AKT3: variants seen among roughly 807,000 people sequenced by gnomAD.
AKT3 encodes AKT serine/threonine kinase 3.
A neutral mutation model predicts 65.3 loss-of-function variants in AKT3; 15 were observed. That is an observed-to-expected ratio of 0.23 (90% CI 0.15 to 0.35). The LOEUF is 0.35. Among genes scored for constraint, AKT3 ranks in the 10% least tolerant of loss-of-function variants. The pLI is 1.00. For synonymous variants in AKT3, 206 were observed against 183.8 expected (o/e 1.12, Z -0.98); for missense variants, 243 against 576.5 (o/e 0.42, Z 5.92).
intron 2 of AKT3, among the ~76,000 whole-genome samples, chr1:243,724,124 C>T (rs1475456031): frequency 1.3e-5 from 2 of 151,662 alleles, no homozygotes; most frequent in Non-Finnish European, 2.9e-5. Context: ...GCCACTGTAA[C>T]AATGCTGTGT....
intron 12 of AKT3, among the ~76,000 whole-genome samples, chr1:243,521,043 CTTTT>C (rs953155962): frequency 3.3e-5 from 5 of 152,194 alleles, no homozygotes; most frequent in African/African-American, 1.2e-4. Context: ...TTCCACAGAC[CTTTT>C]TTAGTAACAA....
chr1:243,744,478 G>A (rs534640311), intron 2 of AKT3, among the ~76,000 whole-genome samples: 20 of 152,222 alleles, frequency 1.3e-4, no homozygotes, highest in African/African-American at 3.6e-4. Context: ...GGTGGCTCAC[G>A]CCTGTAATCC....
chr1:243,756,729 A>G (rs1222550675), intron 2 of AKT3, among the ~76,000 whole-genome samples: 1 of 152,254 alleles, frequency 6.6e-6, no homozygotes, highest in Non-Finnish European at 1.5e-5. Flanking sequence ...TAATGAGTCA[A>G]AGAGAAACAT....
At chr1:243,548,604 G>A (rs1672833954) in intron 11 of AKT3, among the ~76,000 whole-genome samples, 1 of 152,108 alleles carries the variant, frequency 6.6e-6, no homozygotes, top group Non-Finnish European at 1.5e-5. Flanking sequence ...AACAAAATAT[G>A]CTTTGAAGTA....
intron 2 of AKT3, among the ~76,000 whole-genome samples, chr1:243,699,555 T>C (rs558985827): frequency 6.9e-6 from 1 of 145,502 alleles, no homozygotes; most frequent in Non-Finnish European, 1.5e-5. Flanking sequence ...ACTCTTTTGC[T>C]GGAAGCTATA....
chr1:243,730,659 T>G (rs919106211), intron 2 of AKT3, among the ~76,000 whole-genome samples: 4 of 151,480 alleles, frequency 2.6e-5, no homozygotes, highest in Non-Finnish European at 4.4e-5. Flanking sequence ...CCGGCTGGGG[T>G]GAGGTGGTGG....
chr1:243,595,251 AAGTAC>A (rs990293823), intron 8 of AKT3, among the ~76,000 whole-genome samples: 1 of 152,174 alleles, frequency 6.6e-6, no homozygotes, highest in African/African-American at 2.4e-5. Context: ...ACATCTAGAA[AAGTAC>A]AGTAAAAATA....
intron 8 of AKT3, among the ~76,000 whole-genome samples, chr1:243,610,754 C>A (rs967915446): frequency 6.6e-6 from 1 of 152,140 alleles, no homozygotes; most frequent in African/African-American, 2.4e-5. Flanking sequence ...CAGAGATACT[C>A]GATCAATAGA....
chr1:243,553,485 T>C (rs1396364094), intron 10 of AKT3, among the ~76,000 whole-genome samples: 2 of 152,186 alleles, frequency 1.3e-5, no homozygotes, highest in African/African-American at 4.8e-5. Flanking sequence ...TTGAAAAACC[T>C]TTGGATGCCC....
chr1:243,700,571 T>C (rs955411136), intron 2 of AKT3, among the ~76,000 whole-genome samples: 5 of 151,400 alleles, frequency 3.3e-5, no homozygotes, highest in Middle Eastern at 6.8e-3. Flanking sequence ...TGGTGCAATC[T>C]TGGCTCACTG....
At chr1:243,642,861 A>G (rs74982711) in intron 5 of AKT3, among the ~76,000 whole-genome samples, 2 of 152,366 alleles carry the variant, frequency 1.3e-5, no homozygotes, top group South Asian at 4.1e-4. Flanking sequence ...AAATAAACAT[A>G]TAATCAATGA....
chr1:243,750,432 CA>C (rs1688737778), intron 2 of AKT3, among the ~76,000 whole-genome samples: 1 of 151,302 alleles, frequency 6.6e-6, no homozygotes, highest in Non-Finnish European at 1.5e-5. Context: ...CACACACACA[CA>C]CGCACGCACG....
chr1:243,557,833 A>G (rs1052974466), intron 10 of AKT3, among the ~76,000 whole-genome samples: 5 of 151,998 alleles, frequency 3.3e-5, no homozygotes, highest in African/African-American at 1.2e-4. Context: ...GTGGAGAGAT[A>G]TCATATGAAT....
chr1:243,813,769 GAT>G (rs780286099), intron 2 of AKT3, among the ~76,000 whole-genome samples: 1 of 152,172 alleles, frequency 6.6e-6, no homozygotes, highest in Non-Finnish European at 1.5e-5. Flanking sequence ...GAGATAAAGT[GAT>G]ATCTACAGCT....
At chr1:243,635,038 G>A (rs975600697) in intron 6 of AKT3, among the ~76,000 whole-genome samples, 1 of 151,876 alleles carries the variant, frequency 6.6e-6, no homozygotes, top group African/African-American at 2.4e-5. Flanking sequence ...CAAGTGCATA[G>A]GGGACGTTCT....
At chr1:243,754,433 C>A (rs1386578218) in intron 2 of AKT3, among the ~76,000 whole-genome samples, 1 of 152,182 alleles carries the variant, frequency 6.6e-6, no homozygotes, top group Non-Finnish European at 1.5e-5. Context: ...TTTGGCAACA[C>A]ATAGAGACAT....
intron 6 of AKT3, among the ~76,000 whole-genome samples, chr1:243,636,674 A>T (rs761361933): frequency 6.6e-6 from 1 of 152,114 alleles, no homozygotes; most frequent in Non-Finnish European, 1.5e-5. Context: ...GTGATAAGCA[A>T]ATATGTGCCC....
At chr1:243,689,596 T>C (rs926871913) in intron 3 of AKT3, among the ~76,000 whole-genome samples, 1 of 151,828 alleles carries the variant, frequency 6.6e-6, no homozygotes, top group African/African-American at 2.4e-5. Flanking sequence ...ATAAAGATGT[T>C]TGTTAGTAGG....
At chr1:243,783,460 C>T (rs1691038714) in intron 2 of AKT3, among the ~76,000 whole-genome samples, 1 of 152,084 alleles carries the variant, frequency 6.6e-6, no homozygotes, top group African/African-American at 2.4e-5. Flanking sequence ...CTGTACCTCA[C>T]CCTATATCTT....
Sources: allele counts gnomAD v4.1 joint callset (sites outside exome capture counted in the v4.1 genomes callset), GRCh38; gene constraint gnomAD v4.1.1; transcripts MANE v1.5; gene names NCBI Gene and HGNC (gene_info 2026-07-23, HGNC 2026-07-21).